Variants in ERC2 observed in about 807,000 individuals in gnomAD.
The protein encoded by ERC2 is ERC protein 2.
A neutral mutation model predicts 114.8 loss-of-function variants in ERC2; 42 were observed. The ratio of observed to expected loss-of-function variants is 0.37; its 90% confidence interval spans 0.29 to 0.47. The LOEUF is 0.47. ERC2 is among the 20% of genes least tolerant of loss of function. The pLI is 0.99. For synonymous variants in ERC2, 454 were observed against 425.5 expected, an observed-to-expected ratio of 1.07 and a Z score of -0.82; for missense variants, 939 against 1,150.7, an observed-to-expected ratio of 0.82 and a Z score of 2.66.
Position 55,961,361 on chromosome 3 carries a change from C to T in ERC2, c.2268-10801G>A, listed in dbSNP as rs183936867. Among the ~76,000 whole-genome samples, 16 of 152,178 alleles carry T rather than the reference C, an allele frequency of 1.1e-4. No homozygotes were observed. In the East Asian group the frequency reaches 3.1e-3, roughly 29 times the overall value. The stretch of plus-strand genomic sequence containing the variant: ...TGATAACTCATATTTATTTTTTCAC[C>T]CCAGTATAAGCATGATATCCTCTGG... On this transcript the variant is annotated intron_variant, in intron 12 of 17. Transcript: ENST00000288221.
chr3:56,119,083 A>G (rs1045427567), intron 6 of ERC2, among the ~76,000 whole-genome samples: 2 of 152,248 alleles, frequency 1.3e-5, no homozygotes. Context: ...ACAATATGTT[A>G]TGAATGGGCA....
intron 12 of ERC2, among the ~76,000 whole-genome samples, chr3:55,957,732 A>AG (rs908188817): frequency 2.7e-4 from 40 of 150,812 alleles, no homozygotes; most frequent in East Asian, 9.8e-4. Context: ...AGTGGGGAGG[A>AG]GGGGGGGGCA....
chr3:56,135,851 A>G (rs533998372), intron 6 of ERC2, among the ~76,000 whole-genome samples: 134 of 152,332 alleles, frequency 8.8e-4, no homozygotes, highest in African/African-American at 3.2e-3. Context: ...GAGAACACCA[A>G]TTCATTATTT....
At chr3:55,810,304 C>T (rs969789478) in intron 14 of ERC2, among the ~76,000 whole-genome samples, 12 of 151,738 alleles carry the variant, frequency 7.9e-5, no homozygotes, top group African/African-American at 2.9e-4. Flanking sequence ...GGTAAATATC[C>T]CTCCAAATAT....
chr3:55,769,141 A>G (rs1429693521), intron 14 of ERC2, among the ~76,000 whole-genome samples: 1 of 152,186 alleles, frequency 6.6e-6, no homozygotes, highest in Non-Finnish European at 1.5e-5. Flanking sequence ...GCTCCAGCAT[A>G]CAAAGGTGGC....
In ERC2 at chr3:55,822,816, C is replaced by T. The variant is rs1233259118; in HGVS notation, c.2564+65573G>A. On this transcript the variant is annotated intron_variant, in intron 14 of 17. Transcript: ENST00000288221. Reference sequence around the variant, plus strand: ...TTTTGGTAGAGACGGGGTTTCACCGCGTTAGCCAGGATGGTCGCGATCTCC... The same window carrying T: ...TTTTGGTAGAGACGGGGTTTCACCGTGTTAGCCAGGATGGTCGCGATCTCC... Among the ~76,000 whole-genome samples, 6 of 152,112 alleles carry T rather than the reference C, an allele frequency of 3.9e-5. No individual in the cohort carries two copies. In the East Asian group the frequency reaches 7.8e-4, roughly 20 times the overall value.
intron 13 of ERC2, among the ~76,000 whole-genome samples, chr3:55,919,378 A>C (rs1035980075): frequency 1.3e-5 from 2 of 152,054 alleles, no homozygotes; most frequent in African/African-American, 4.8e-5. Flanking sequence ...GACCGTCTCT[A>C]AAAAAAATCA....
chr3:55,637,163 C>T (rs1300461541), intron 17 of ERC2, among the ~76,000 whole-genome samples: 1 of 152,226 alleles, frequency 6.6e-6, no homozygotes, highest in Non-Finnish European at 1.5e-5. Flanking sequence ...TCCTGGAATG[C>T]TCCCCTTCTT....
chr3:55,857,462 A>T (rs539125811), intron 14 of ERC2, among the ~76,000 whole-genome samples: 180 of 152,288 alleles, frequency 1.2e-3, no homozygotes, highest in African/African-American at 3.9e-3. Context: ...TAAATATACA[A>T]TTCAGTGGCA....
intron 17 of ERC2, among the ~76,000 whole-genome samples, chr3:55,573,466 T>C (rs2056824848): frequency 1.3e-5 from 2 of 152,216 alleles, no homozygotes; most frequent in Admixed American, 6.5e-5. Flanking sequence ...GAGCAACAGA[T>C]GCGAGGGGGG....
chr3:55,735,370 G>A lies in ERC2; in HGVS notation c.2565-452C>T, dbSNP rs568897259. ...GGAGATTGGGAAGTTTAAGGGCATG[G>A]TGGTAGCTTCCAGCAAGGGCTTTTG... On this transcript the variant is annotated intron_variant, in intron 14 of 17. Transcript: ENST00000288221. Among the ~76,000 whole-genome samples, 171 of 152,202 alleles carry A rather than the reference G, an allele frequency of 1.1e-3. 1 individual carries two copies. The highest frequency in any genetic ancestry group is 2.2e-3 in the Non-Finnish European group (151 of 68,038).
At chr3:55,807,264 A>G (rs935803023) in intron 14 of ERC2, among the ~76,000 whole-genome samples, 4 of 152,296 alleles carry the variant, frequency 2.6e-5, no homozygotes, top group Admixed American at 2.6e-4. Context: ...ACATTTTCTA[A>G]ACTTCATTAC....
intron 6 of ERC2, among the ~76,000 whole-genome samples, chr3:56,098,133 C>T (rs17235291): frequency 0.13 from 20,129 of 152,214 alleles, 1,438 homozygotes; most frequent in East Asian, 0.16. Context: ...AAACTACAAC[C>T]TTCTGATGAT....
chr3:56,241,619 T>C (rs1187088918), intron 3 of ERC2, among the ~76,000 whole-genome samples: 1 of 152,192 alleles, frequency 6.6e-6, no homozygotes, highest in Non-Finnish European at 1.5e-5. Flanking sequence ...ATCATAGAGA[T>C]AAGATCATAG....
chr3:55,645,463 T>C (rs1214030727), intron 17 of ERC2, among the ~76,000 whole-genome samples: 1 of 152,252 alleles, frequency 6.6e-6, no homozygotes, highest in African/African-American at 2.4e-5. Context: ...CTTTTCTTTT[T>C]AATTGATAAC....
rs117278213 is a variant in ERC2 at position 56,193,911 on chromosome 3, C to T, written c.1075-20391G>A. On this transcript the variant is annotated intron_variant, in intron 3 of 17. Coordinates refer to ENST00000288221, the MANE Select transcript of ERC2 (RefSeq NM_015576.3). ...TAAGGACACTTCTATGTTTATGGTC[C>T]TATTTGGTCTTTATAACTTTTCTGG... is the stretch of plus-strand genomic sequence containing the variant. Among the ~76,000 whole-genome samples, 990 of 152,250 alleles carry T rather than the reference C, an allele frequency of 6.5e-3. 22 individuals carry two copies. The highest frequency in any genetic ancestry group is 0.062 in the East Asian group (323 of 5,176).
At chr3:56,132,789 A>C (rs2080282755) in intron 6 of ERC2, among the ~76,000 whole-genome samples, 1 of 152,242 alleles carries the variant, frequency 6.6e-6, no homozygotes, top group Non-Finnish European at 1.5e-5. Context: ...GTGTGCATGC[A>C]TATATGAATA....
intron 14 of ERC2, among the ~76,000 whole-genome samples, chr3:55,824,378 G>T (rs1046864277): frequency 5.3e-5 from 8 of 152,178 alleles, no homozygotes; most frequent in African/African-American, 1.9e-4. Flanking sequence ...TGTCAGAACA[G>T]AGACTCCTGT....
intron 13 of ERC2, among the ~76,000 whole-genome samples, chr3:55,913,587 A>C (rs2064934475): frequency 6.6e-6 from 1 of 152,116 alleles, no homozygotes; most frequent in Non-Finnish European, 1.5e-5. Context: ...GTTATACTTA[A>C]AAATTGCTTC....
Sources: allele counts gnomAD v4.1 joint callset (sites outside exome capture counted in the v4.1 genomes callset), GRCh38; gene constraint gnomAD v4.1.1; transcripts MANE v1.5; gene names NCBI Gene and HGNC (gene_info 2026-07-23, HGNC 2026-07-21).